SAMD4B: variants seen among roughly 807,000 people sequenced by gnomAD.
The protein encoded by SAMD4B is sterile alpha motif domain containing 4B.
SAMD4B carries 5 observed loss-of-function variants against 74.5 expected under a neutral mutation model. The observed-to-expected ratio is 0.07, with a 90% CI of 0.04 to 0.14. The LOEUF (loss-of-function observed/expected upper bound fraction) is 0.14. Among genes scored for constraint, SAMD4B ranks in the 10% least tolerant of loss-of-function variants. SAMD4B has a pLI of 1.00. For missense variants in SAMD4B, 608 were observed against 921.8 expected (o/e 0.66, Z 4.41); for synonymous variants, 373 against 374.9 (o/e 1.00, Z 0.06).
At chr19:39,361,304 TG>T (rs2076631554) in intron 3 of SAMD4B, among the ~76,000 whole-genome samples, 2 of 152,198 alleles carry the variant, frequency 1.3e-5, no homozygotes, top group African/African-American at 4.8e-5. Flanking sequence ...TGAGTTCAGT[TG>T]GTTCACTAGT....
chr19:39,374,458 C>T (rs776422763), intron 4 of SAMD4B, among the ~76,000 whole-genome samples: 3 of 152,176 alleles, frequency 2.0e-5, no homozygotes, highest in African/African-American at 2.4e-5. Context: ...AAGCAGCTTA[C>T]GTACTTCATT....
chr19:39,376,613 GCCTCC>G, intron 6 of SAMD4B, 67 bp downstream of exon 6: 2 of 1,579,966 alleles, frequency 1.3e-6, no homozygotes, highest in South Asian at 1.1e-5. Flanking sequence ...TGCAGCCCAA[GCCTCC>G]TCTGTCTCCT....
At chr19:39,390,155 T>A (rs748604084), downstream of SAMD4B, 4 of 1,613,760 alleles carry the variant, frequency 2.5e-6, no homozygotes, top group East Asian at 8.9e-5. Flanking sequence ...GGCAGACCAC[T>A]CCAGACCTAG....
In SAMD4B at chr19:39,377,585, C is replaced by T; in HGVS notation, c.1205C>T (p.Ala402Val). ...KAYSVLQATV[A>V]AATTTPTAKD... ...TACAGTGTCCTCCAGGCCACCGTGG[C>T]TGCCGCCACCACCACCCCTACTGCC... Residue 402 changes from alanine to valine, a missense_variant, in exon 8 of 14, where the codon GCT becomes GTT. Transcript: ENST00000610417. 1 of 1,613,946 alleles carries T rather than the reference C, an allele frequency of 6.2e-7. No individual in the cohort carries two copies. Among genetic ancestry groups the T allele is most frequent in the South Asian group, 1.1e-5 (1 of 91,022 alleles).
chr19:39,383,574 G>C lies in SAMD4B; in HGVS notation c.*47G>C. The C allele has an allele frequency of 6.2e-7, 1 of 1,614,130 alleles. No homozygotes were observed. On this transcript the variant is annotated 3_prime_UTR_variant, in exon 14 of 14. Coordinates refer to ENST00000610417, the MANE Select transcript of SAMD4B (RefSeq NM_001384574.2). This position sits in a 1 kb window ranked among gnomAD's most constrained non-coding sequence, Gnocchi z 4.1. ...CCCATAGGCTCCCTGGGCGGCGGGC[G>C]GGGGCCAACCCCCAACGGGCTTCTC...
chr19:39,379,941 T>C, intron 9 of SAMD4B, 25 bp from the exon 10 acceptor site: 2 of 1,583,258 alleles, frequency 1.3e-6, no homozygotes, highest in Non-Finnish European at 1.7e-6. Context: ...CCCTCTCTGC[T>C]TCACCGGTGT....
rs1413522771 is a variant in SAMD4B, at chr19:39,384,822, A to G, written c.*1295A>G. 1 of 152,388 alleles carries G rather than the reference A, an allele frequency of 6.6e-6. No homozygotes were observed. The highest frequency in any genetic ancestry group is 1.5e-5 in the Non-Finnish European group (1 of 68,020). 9.4% of individuals were successfully genotyped at this position (152,388 alleles called of 1,614,324 possible). A position where few individuals can be genotyped will look rare whatever the true frequency, so the allele number is the denominator to read the frequency against. ...GAAAAAAAATGTTATTTTTAGATAC[A>G]TTTTATGAATAACTTTTGTTATGAA... is the stretch of plus-strand genomic sequence containing the variant. On this transcript the variant is annotated 3_prime_UTR_variant, in exon 14 of 14. Coordinates refer to ENST00000610417, the MANE Select transcript of SAMD4B (RefSeq NM_001384574.2).
intron 12 of SAMD4B, 61 bp downstream of exon 12, chr19:39,381,174 TC>T: frequency 3.3e-6 from 5 of 1,519,682 alleles, no homozygotes; most frequent in Non-Finnish European, 3.5e-6. Flanking sequence ...CTTTCTTTTT[TC>T]TCCTGGGTCT....
At chr19:39,354,592 C>G (rs1008423946) in intron 2 of SAMD4B, among the ~76,000 whole-genome samples, 3 of 39,058 alleles carry the variant, frequency 7.7e-5, no homozygotes, top group Non-Finnish European at 1.5e-4. Flanking sequence ...GCGTTTTGGT[C>G]AGTAGAGAGA....
intron 4 of SAMD4B, among the ~76,000 whole-genome samples, chr19:39,372,019 A>G (rs769417706): frequency 2.1e-4 from 32 of 152,188 alleles, no homozygotes; most frequent in Non-Finnish European, 3.8e-4. Flanking sequence ...GGGGTCACCC[A>G]GGCAGGGTGC....
chr19:39,353,411 G>A lies in SAMD4B; in HGVS notation c.-266-595G>A, dbSNP rs534001109. Among the ~76,000 whole-genome samples, 4 of 152,170 alleles carry A rather than the reference G, an allele frequency of 2.6e-5. No individual in the cohort carries two copies. The South Asian group carries it at 8.3e-4, about 32-fold the overall frequency. Reference sequence around the variant, plus strand: ...TTTCTCCAAGATAGTGTTAGCAGCCGAGGGTGTATTCTTCTATACATTTAT... The same window carrying A: ...TTTCTCCAAGATAGTGTTAGCAGCCAAGGGTGTATTCTTCTATACATTTAT... On this transcript the variant is annotated intron_variant, in intron 1 of 13. Transcript: ENST00000610417.
chr19:39,355,378 G>A (rs914596540), intron 2 of SAMD4B, among the ~76,000 whole-genome samples: 3 of 152,132 alleles, frequency 2.0e-5, no homozygotes, highest in Non-Finnish European at 4.4e-5. Flanking sequence ...GTCCCACAGG[G>A]GATCTGTGAG....
chr19:39,383,828 C>T lies in SAMD4B; in HGVS notation c.*301C>T. 9.9e-7 allele frequency: 1 copy of T among 1,014,166 alleles called. No homozygotes were observed. Among genetic ancestry groups the T allele is most frequent in the Non-Finnish European group, 1.4e-6 (1 of 693,786 alleles). 62.8% of individuals were successfully genotyped at this position (1,014,166 alleles called of 1,614,324 possible). A position where few individuals can be genotyped will look rare whatever the true frequency, so the allele number is the denominator to read the frequency against. On this transcript the variant is annotated 3_prime_UTR_variant, in exon 14 of 14. Coordinates refer to ENST00000610417, the MANE Select transcript of SAMD4B (RefSeq NM_001384574.2). This position sits in a 1 kb window ranked among gnomAD's most constrained non-coding sequence, Gnocchi z 4.1. ...TTCCTCATCCCCACCTGGTCCCATC[C>T]CACCCCTGCCTCCTCCAGACCGCTG...
intron 1 of SAMD4B, among the ~76,000 whole-genome samples, chr19:39,343,629 G>A (rs1261512653): frequency 6.6e-6 from 1 of 151,334 alleles, no homozygotes; most frequent in Admixed American, 6.6e-5. Context: ...GTAGCCCAGT[G>A]ATCTTCACCG....
chr19:39,345,218 C>T (rs1304671024), intron 1 of SAMD4B, among the ~76,000 whole-genome samples: 1 of 152,126 alleles, frequency 6.6e-6, no homozygotes, highest in East Asian at 1.9e-4. Flanking sequence ...CAGGGTATGC[C>T]TCTGTGCCCT....
At chr19:39,353,511 AT>A (rs1443726205) in intron 1 of SAMD4B, among the ~76,000 whole-genome samples, 3 of 152,162 alleles carry the variant, frequency 2.0e-5, no homozygotes, top group Admixed American at 1.3e-4. Context: ...AATTTAAAAA[AT>A]GGCATTATAT....
intron 3 of SAMD4B, among the ~76,000 whole-genome samples, chr19:39,368,377 A>G (rs1252603294): frequency 6.6e-6 from 1 of 152,248 alleles, no homozygotes. Flanking sequence ...GAGAATTTGT[A>G]TAGGAGGAAG....
intron 1 of SAMD4B, among the ~76,000 whole-genome samples, chr19:39,345,212 G>T (rs1405510444): frequency 6.6e-6 from 1 of 152,108 alleles, no homozygotes; most frequent in Non-Finnish European, 1.5e-5. Context: ...ATGCCTCAGG[G>T]TATGCCTCTG....
chr19:39,383,733 C>T lies in SAMD4B; in HGVS notation c.*206C>T. On this transcript the variant is annotated 3_prime_UTR_variant, in exon 14 of 14. Coordinates refer to ENST00000610417, the MANE Select transcript of SAMD4B (RefSeq NM_001384574.2). The surrounding 1 kb of genome is among the most constrained non-coding windows in gnomAD (Gnocchi z 4.1). ...GCCCGTCGAGGGATCTCTGCTGAGG[C>T]CCGGGGAGTTGGGGGCAGCCAGGAT... 6.5e-7 allele frequency: 1 copy of T among 1,534,710 alleles called. No individual in the cohort carries two copies. Among genetic ancestry groups the T allele is most frequent in the Non-Finnish European group, 8.7e-7 (1 of 1,145,674 alleles).
Sources: gnomAD v4.1 joint callset for allele counts (sites outside exome capture counted in the v4.1 genomes callset) on GRCh38, gnomAD v4.1.1 for gene constraint, Gnocchi (gnomAD v3.1) non-coding constraint, MANE v1.5 for transcripts, NCBI Gene and HGNC (gene_info 2026-07-23, HGNC 2026-07-21) for gene names.